The following HTR7 variants were observed in gnomAD, a reference collection of about 807,000 sequenced individuals.
HTR7 encodes the protein 5-hydroxytryptamine receptor 7.
Under a neutral mutation model 34.0 loss-of-function variants are expected in HTR7, and 16 were observed. The observed-to-expected ratio is 0.47, with a 90% CI of 0.32 to 0.71. The LOEUF is 0.71. Ranked by LOEUF, HTR7 falls within the 30% of genes least tolerant of loss-of-function variation. The probability of loss-of-function intolerance (pLI) is 0.04; values close to 1 mark genes in which losing one functional copy is unlikely to be tolerated. For missense variants in HTR7, 504 were observed against 625.5 expected (o/e 0.81, Z 2.07); for synonymous variants, 265 against 260.2 (o/e 1.02, Z -0.18).
chr10:90,857,400 A>G lies in HTR7; in HGVS notation c.272T>C (p.Ile91Thr), dbSNP rs139076820. ...KVVIGSILTLITLLTIAGNCL... is the reference protein window; with the variant it reads ...KVVIGSILTLTTLLTIAGNCL... ...GTTGCCCGCGATCGTCAGCAGCGTG[A>G]TGAGCGTCAGGATGGAGCCGATCAC... is the stretch of plus-strand genomic sequence containing the variant. The change falls in exon 1 of 4, where the codon ATC becomes ACC. Residue 91 changes from isoleucine to threonine, a missense_variant. Physicochemically the swap from Ile to Thr is moderately conservative, Grantham distance 89 (BLOSUM62 -1). Around this residue, in one of 4 missense-constraint regions of HTR7, gnomAD observed 154 missense variants for 248.8 expected, o/e 0.62. Coordinates refer to ENST00000336152, the MANE Select transcript of HTR7 (RefSeq NM_019859.4). This position sits in a 1 kb window ranked among gnomAD's most constrained non-coding sequence, Gnocchi z 6.5. 10 of 1,613,960 alleles carry G rather than the reference A, an allele frequency of 6.2e-6. No individual in the cohort carries two copies. The highest frequency in any genetic ancestry group is 8.5e-6 in the Non-Finnish European group (10 of 1,180,022).
chr10:90,795,845 G>A (rs963461413), intron 1 of HTR7, among the ~76,000 whole-genome samples: 5 of 152,158 alleles, frequency 3.3e-5, no homozygotes, highest in African/African-American at 1.2e-4. Flanking sequence ...GATCTGTGGG[G>A]GTTGAGGGGT....
chr10:90,784,125 C>T (rs1023170865), intron 1 of HTR7, among the ~76,000 whole-genome samples: 1 of 152,170 alleles, frequency 6.6e-6, no homozygotes, highest in African/African-American at 2.4e-5. Flanking sequence ...ACATACAAAA[C>T]TCTCTAATCA....
chr10:90,794,572 C>A (rs1040458981), intron 1 of HTR7, among the ~76,000 whole-genome samples: 3 of 152,178 alleles, frequency 2.0e-5, no homozygotes, highest in African/African-American at 7.2e-5. Flanking sequence ...TGGCTCACTA[C>A]AGCCTCAACC....
At chr10:90,770,477 C>T (rs997540154) in intron 1 of HTR7, among the ~76,000 whole-genome samples, 9 of 152,176 alleles carry the variant, frequency 5.9e-5, no homozygotes, top group African/African-American at 2.2e-4. Flanking sequence ...GTCTCTGACT[C>T]TGTATCCTCA....
At chr10:90,743,770 A>G in intron 2 of HTR7, 80 bp from the exon 3 acceptor site, 4 of 1,099,880 alleles carry the variant, frequency 3.6e-6, no homozygotes, top group African/African-American at 1.6e-5. Context: ...ATTATATTTC[A>G]TTATCATATT....
chr10:90,849,839 G>A (rs1051903821), intron 1 of HTR7, among the ~76,000 whole-genome samples: 37 of 152,098 alleles, frequency 2.4e-4, no homozygotes, highest in Admixed American at 1.2e-3. Context: ...ACTCACACAC[G>A]CATGCACGCT....
intron 1 of HTR7, among the ~76,000 whole-genome samples, chr10:90,836,726 T>C (rs1331090780): frequency 6.6e-6 from 1 of 151,464 alleles, no homozygotes; most frequent in Non-Finnish European, 1.5e-5. Context: ...CCCAGGCCAG[T>C]CTTGAACTCC....
At chr10:90,830,150 A>G (rs546128340) in intron 1 of HTR7, among the ~76,000 whole-genome samples, 2 of 152,254 alleles carry the variant, frequency 1.3e-5, no homozygotes, top group Non-Finnish European at 2.9e-5. Context: ...AGCGAACCTC[A>G]GTAATCCAAA....
In HTR7 at chr10:90,808,846, G is replaced by A. The variant is rs530491753; in HGVS notation, c.539+48287C>T. On this transcript the variant is annotated intron_variant, in intron 1 of 3. Coordinates refer to ENST00000336152, the MANE Select transcript of HTR7 (RefSeq NM_019859.4). ...TTGACCCCAATACAAACTCAACAGT[G>A]GTACCAAATAGCCAGAAAATGGCAC... is the stretch of plus-strand genomic sequence containing the variant. Among the ~76,000 whole-genome samples, 4 of 152,224 alleles carry A rather than the reference G, an allele frequency of 2.6e-5. No individual in the cohort carries two copies. In the South Asian group the frequency reaches 6.2e-4, roughly 24 times the overall value.
chr10:90,783,207 C>CTTAG (rs1845333886), intron 1 of HTR7, among the ~76,000 whole-genome samples: 1 of 152,140 alleles, frequency 6.6e-6, no homozygotes, highest in Non-Finnish European at 1.5e-5. Flanking sequence ...GAAGGATGAA[C>CTTAG]TTAGCCCCTA....
At chr10:90,844,619 C>G (rs537144276) in intron 1 of HTR7, among the ~76,000 whole-genome samples, 2 of 147,702 alleles carry the variant, frequency 1.4e-5, no homozygotes, top group Non-Finnish European at 3.0e-5. Flanking sequence ...CCCAGCTACT[C>G]GGGAGGCTGA....
chr10:90,842,849 A>T (rs1179164355), intron 1 of HTR7, among the ~76,000 whole-genome samples: 1 of 152,178 alleles, frequency 6.6e-6, no homozygotes, highest in Non-Finnish European at 1.5e-5. Flanking sequence ...CATCACTGGC[A>T]GCTTTGCTAA....
At chr10:90,810,480 T>A (rs1171466936) in intron 1 of HTR7, among the ~76,000 whole-genome samples, 1 of 150,428 alleles carries the variant, frequency 6.6e-6, no homozygotes, top group African/African-American at 2.5e-5. Context: ...CAGCATGGCC[T>A]TTTAAAGCCT....
At position 90,742,464 on chromosome 10, in the gene HTR7, A is replaced by G; in HGVS notation, c.*18T>C. Reference sequence around the variant, plus strand: ...ACCTCTATTTTGCCTTGTTTATTTCATCTCCATTGTTCTGCTTTCAATCAT... The same window carrying G: ...ACCTCTATTTTGCCTTGTTTATTTCGTCTCCATTGTTCTGCTTTCAATCAT... On this transcript the variant is annotated 3_prime_UTR_variant, in exon 4 of 4. Coordinates refer to ENST00000336152, the MANE Select transcript of HTR7 (RefSeq NM_019859.4). The G allele has an allele frequency of 6.3e-7, 1 of 1,592,424 alleles. No homozygotes were observed.
chr10:90,767,263 C>A (rs1448194640), intron 1 of HTR7, among the ~76,000 whole-genome samples: 2 of 152,176 alleles, frequency 1.3e-5, no homozygotes, highest in African/African-American at 2.4e-5. Context: ...TAGGGGTAAA[C>A]CCTACTTTAA....
chr10:90,817,021 AG>A (rs1264468994), intron 1 of HTR7, among the ~76,000 whole-genome samples: 1 of 152,212 alleles, frequency 6.6e-6, no homozygotes, highest in Non-Finnish European at 1.5e-5. Flanking sequence ...CTTGGCCACA[AG>A]GGCCCCACCA....
chr10:90,826,498 G>C (rs889490335), intron 1 of HTR7, among the ~76,000 whole-genome samples: 1 of 150,796 alleles, frequency 6.6e-6, no homozygotes, highest in Admixed American at 6.6e-5. Context: ...CCTCTTGAGT[G>C]GAAAGACTAA....
intron 1 of HTR7, among the ~76,000 whole-genome samples, chr10:90,788,514 C>T (rs552388614): frequency 1.3e-5 from 2 of 152,196 alleles, no homozygotes; most frequent in African/African-American, 4.8e-5. Context: ...AGAATGGATC[C>T]AGATATAAAG....
intron 1 of HTR7, among the ~76,000 whole-genome samples, chr10:90,799,338 C>CATGA (rs113835217): frequency 0.037 from 5,636 of 150,522 alleles, 116 homozygotes; most frequent in Admixed American, 0.06. Context: ...GCCGGCTCTG[C>CATGA]ATGAATGAAT....
Sources: allele counts gnomAD v4.1 joint callset (sites outside exome capture counted in the v4.1 genomes callset), GRCh38; gene constraint gnomAD v4.1.1; regional missense constraint gnomAD v4.1.1; non-coding constraint Gnocchi (gnomAD v3.1); transcripts MANE v1.5; gene names NCBI Gene and HGNC (gene_info 2026-07-23, HGNC 2026-07-21).